Variants in CD163L1 observed in about 807,000 individuals in gnomAD.
CD163L1 encodes CD163 molecule like 1, also known as scavenger receptor cysteine-rich type 1 protein M160.
In CD163L1, 124 loss-of-function variants were observed where a neutral mutation model predicts 165.4. That is an observed-to-expected ratio of 0.75 (90% CI 0.65 to 0.87). The LOEUF is 0.87. Among genes scored for constraint, CD163L1 ranks in the 40% least tolerant of loss-of-function variants. The pLI is 0.00. For missense variants in CD163L1, 1,525 were observed against 1,799.9 expected, an observed-to-expected ratio of 0.85 and a Z score of 2.76; for synonymous variants, 585 against 662.2, an observed-to-expected ratio of 0.88 and a Z score of 1.79.
In CD163L1 at chr12:7,359,214, A is replaced by G. The variant is rs374113222; in HGVS notation, c.4280-1728T>C. Reference sequence around the variant, plus strand: ...ATGACAGGATTTCTCACAACTAATGACAGAAACCAAAGCACTTATCCAGGC... The same window carrying G: ...ATGACAGGATTTCTCACAACTAATGGCAGAAACCAAAGCACTTATCCAGGC... On this transcript the variant is annotated intron_variant, in intron 18 of 19. Coordinates refer to ENST00000313599, the MANE Select transcript of CD163L1 (RefSeq NM_174941.6). Among the ~76,000 whole-genome samples the G allele has an allele frequency of 1.2e-4, 18 of 152,076 alleles. No homozygotes were observed. In the East Asian group the frequency reaches 1.9e-3, roughly 16 times the overall value.
At chr12:7,418,093 C>T (rs1361151663) in intron 4 of CD163L1, among the ~76,000 whole-genome samples, 2 of 151,996 alleles carry the variant, frequency 1.3e-5, no homozygotes, top group Non-Finnish European at 2.9e-5. Context: ...TTCTATTCAT[C>T]AGCACATGGA....
downstream of CD163L1, among the ~76,000 whole-genome samples, chr12:7,342,084 C>T (rs1384107473): frequency 6.6e-6 from 1 of 151,852 alleles, no homozygotes; most frequent in Non-Finnish European, 1.5e-5. Context: ...AGAAATATCA[C>T]CCAGACATTC....
intron 8 of CD163L1, among the ~76,000 whole-genome samples, chr12:7,389,960 T>TTATATATATATATATA (rs59235889): frequency 8.6e-4 from 117 of 135,912 alleles, no homozygotes; most frequent in African/African-American, 2.5e-3. Context: ...ATATATATAT[T>TTATATATATATATATA]TATATATATA....
intron 8 of CD163L1, among the ~76,000 whole-genome samples, chr12:7,380,204 T>C (rs925847612): frequency 6.6e-6 from 1 of 151,888 alleles, no homozygotes; most frequent in Non-Finnish European, 1.5e-5. Context: ...TATAGCAGCA[T>C]AAATCGCAAT....
rs1315357773 is a variant in CD163L1 at position 7,380,298 on chromosome 12, T to TATACAC, written c.2051-1001_2051-1000insGTGTAT. ...TGGTGTGTGTGTGTGTGTGTGTGTG[T>TATACAC]GTGTATACACATATACATACATATA... On this transcript the variant is annotated intron_variant, in intron 8 of 19. Transcript: ENST00000313599. Among the ~76,000 whole-genome samples, 66 of 135,618 alleles carry TATACAC rather than the reference T, an allele frequency of 4.9e-4. No individual in the cohort carries two copies. In the East Asian group the frequency reaches 0.011, roughly 22 times the overall value. The allele number at this position is 135,618 out of a possible 152,430, so 89.0% of individuals were successfully genotyped here.
At chr12:7,389,215 C>A (rs1947589975) in intron 8 of CD163L1, among the ~76,000 whole-genome samples, 1 of 152,200 alleles carries the variant, frequency 6.6e-6, no homozygotes, top group Non-Finnish European at 1.5e-5. Flanking sequence ...AATTTACATT[C>A]TCACCAACAG....
intron 4 of CD163L1, among the ~76,000 whole-genome samples, chr12:7,413,444 A>G (rs1369786955): frequency 6.6e-6 from 1 of 152,216 alleles, no homozygotes; most frequent in Non-Finnish European, 1.5e-5. Flanking sequence ...GGATGCTAGT[A>G]ATTAGACACA....
chr12:7,352,350 C>T (rs1946712057), downstream of CD163L1, among the ~76,000 whole-genome samples: 1 of 152,094 alleles, frequency 6.6e-6, no homozygotes, highest in Non-Finnish European at 1.5e-5. Context: ...CATCTCCCCA[C>T]ATCTCCAAAA....
intron 8 of CD163L1, among the ~76,000 whole-genome samples, chr12:7,395,725 A>G (rs1234932286): frequency 6.6e-6 from 1 of 152,144 alleles, no homozygotes; most frequent in Non-Finnish European, 1.5e-5. Context: ...TTGGGTACCA[A>G]TTTTTGAGAG....
chr12:7,378,961 C>A lies in CD163L1; in HGVS notation c.2371+17G>T, dbSNP rs1051878902. 1.0e-5 allele frequency: 16 copies of A among 1,583,898 alleles called. No individual in the cohort carries two copies. The highest frequency in any genetic ancestry group is 1.3e-5 in the Non-Finnish European group (15 of 1,160,932). ...TAAATAATTAAATAAATGTGTTTAT[C>A]TTTGTCCAGAAATTACCTGAGCAGA... is the stretch of plus-strand genomic sequence containing the variant. On this transcript the variant is annotated intron_variant, in intron 9 of 19. Transcript: ENST00000313599.
intron 4 of CD163L1, among the ~76,000 whole-genome samples, chr12:7,412,495 G>A (rs1948155674): frequency 1.3e-5 from 2 of 152,128 alleles, no homozygotes; most frequent in South Asian, 2.1e-4. Flanking sequence ...AATAAAAGTT[G>A]ACAATTTGTA....
chr12:7,378,576 A>C (rs887588879), intron 9 of CD163L1, among the ~76,000 whole-genome samples: 16 of 152,206 alleles, frequency 1.1e-4, no homozygotes, highest in African/African-American at 3.9e-4. Context: ...TAGTTCCTGG[A>C]ATAACACAAG....
At chr12:7,415,951 T>A (rs1948230192) in intron 4 of CD163L1, among the ~76,000 whole-genome samples, 1 of 152,154 alleles carries the variant, frequency 6.6e-6, no homozygotes, top group East Asian at 1.9e-4. Flanking sequence ...AGTAATGGGA[T>A]TGTTGGGTAA....
chr12:7,382,622 G>T (rs996568123), intron 8 of CD163L1, among the ~76,000 whole-genome samples: 1 of 152,126 alleles, frequency 6.6e-6, no homozygotes, highest in Non-Finnish European at 1.5e-5. Context: ...AGCTTCTGTG[G>T]GCTCTGAGAC....
chr12:7,364,913 T>C (rs1591877511), intron 18 of CD163L1, among the ~76,000 whole-genome samples: 1 of 152,128 alleles, frequency 6.6e-6, no homozygotes, highest in East Asian at 1.9e-4. Context: ...TTCACAGAAA[T>C]AGAGATAACA....
the CD163L1 span, among the ~76,000 whole-genome samples, chr12:7,340,724 G>A: frequency 6.6e-6 from 1 of 152,138 alleles, no homozygotes; most frequent in Non-Finnish European, 1.5e-5. Flanking sequence ...AGTGAGAGGA[G>A]TATCTCCCCC....
chr12:7,418,401 T>C (rs749395406), intron 4 of CD163L1, among the ~76,000 whole-genome samples: 1 of 152,114 alleles, frequency 6.6e-6, no homozygotes, highest in South Asian at 2.1e-4. Flanking sequence ...AAGAGCAAAG[T>C]TCATAGCCTT....
downstream of CD163L1, among the ~76,000 whole-genome samples, chr12:7,345,039 C>T (rs73270576): frequency 0.03 from 4,569 of 152,052 alleles, 238 homozygotes; most frequent in African/African-American, 0.1. Flanking sequence ...TTTTCACTGT[C>T]TTGGCTATCA....
rs1565784362 is a variant in CD163L1, at chr12:7,380,389, A to ACGCGTATACATACATGTATGTGTGTATG, written c.2051-1092_2051-1091insCATACACACATACATGTATGTATACGCG. 5.0e-5 allele frequency among the ~76,000 whole-genome samples: 7 copies of ACGCGTATACATACATGTATGTGTGTATG among 141,248 alleles called. No individual in the cohort carries two copies. In the East Asian group the frequency reaches 1.3e-3, roughly 26 times the overall value. 92.7% of individuals were successfully genotyped at this position (141,248 alleles called of 152,430 possible). On this transcript the variant is annotated intron_variant, in intron 8 of 19. Transcript: ENST00000313599. ...CGTATACATACATGTATGTGTGTAT[A>ACGCGTATACATACATGTATGTGTGTATG]TGCGTATACACACATGTATGTGTGT...
Sources: allele counts gnomAD v4.1 joint callset (sites outside exome capture counted in the v4.1 genomes callset), GRCh38; gene constraint gnomAD v4.1.1; transcripts MANE v1.5; gene names NCBI Gene and HGNC (gene_info 2026-07-23, HGNC 2026-07-21).